FAM13A: variants seen among roughly 807,000 people sequenced by gnomAD.
FAM13A encodes the protein family with sequence similarity 13 member A, also known as protein FAM13A.
Under a neutral mutation model 129.6 loss-of-function variants are expected in FAM13A, and 76 were observed. The ratio of observed to expected loss-of-function variants is 0.59; its 90% CI spans 0.49 to 0.71. FAM13A has a LOEUF of 0.71. FAM13A is among the 30% of genes least tolerant of loss of function. The pLI, the probability that FAM13A is intolerant of heterozygous loss-of-function variation, is 0.00. For synonymous variants in FAM13A, 443 were observed against 449.9 expected (o/e 0.98, Z 0.20); for missense variants, 1,108 against 1,249.3 (o/e 0.89, Z 1.70).
chr4:88,910,160 A>T (rs1362780523), intron 5 of FAM13A, among the ~76,000 whole-genome samples: 1 of 152,158 alleles, frequency 6.6e-6, no homozygotes, highest in Admixed American at 6.5e-5. Flanking sequence ...CGAAGTGTCA[A>T]ACTGGACATT....
At chr4:88,991,171 A>G in intron 3 of FAM13A, 21 bp from the exon 4 acceptor site, 1 of 1,590,446 alleles carries the variant, frequency 6.3e-7, no homozygotes, top group Non-Finnish European at 8.6e-7. Context: ...AAAGAATAAA[A>G]ATGTTCTAAG....
chr4:88,987,580 C>T (rs796648977), intron 4 of FAM13A, among the ~76,000 whole-genome samples: 10 of 151,998 alleles, frequency 6.6e-5, no homozygotes, highest in Admixed American at 5.9e-4. Context: ...TGAGGCTGGG[C>T]GCGGTGGCCC....
At chr4:88,962,152 T>TA (rs59620102) in intron 4 of FAM13A, among the ~76,000 whole-genome samples, 217 of 140,926 alleles carry the variant, frequency 1.5e-3, no homozygotes, top group African/African-American at 3.9e-3. Context: ...AAAAAATAAG[T>TA]AAAAAAAAAA....
chr4:88,873,488 T>C (rs1741793809), intron 6 of FAM13A, among the ~76,000 whole-genome samples: 1 of 152,154 alleles, frequency 6.6e-6, no homozygotes, highest in African/African-American at 2.4e-5. Context: ...AAATACAAAC[T>C]ACCATCAGAG....
chr4:88,948,305 G>T (rs183755120), intron 4 of FAM13A, among the ~76,000 whole-genome samples: 1 of 152,262 alleles, frequency 6.6e-6, no homozygotes, highest in East Asian at 1.9e-4. Context: ...TTGTAAAATA[G>T]AACTGTTGAT....
At chr4:89,009,844 G>GA (rs1380015852) in intron 3 of FAM13A, among the ~76,000 whole-genome samples, 1 of 152,132 alleles carries the variant, frequency 6.6e-6, no homozygotes, top group African/African-American at 2.4e-5. Flanking sequence ...GTCTTGCAAG[G>GA]AAGAGTATTT....
At chr4:88,793,737 T>C (rs138113894) in intron 8 of FAM13A, among the ~76,000 whole-genome samples, 62 of 152,080 alleles carry the variant, frequency 4.1e-4, no homozygotes, top group African/African-American at 1.3e-3. Context: ...CTATCTCAGG[T>C]TCAGGCTTAC....
chr4:88,740,935 CA>C (rs1207916574), intron 19 of FAM13A, among the ~76,000 whole-genome samples: 2 of 152,092 alleles, frequency 1.3e-5, no homozygotes, highest in Non-Finnish European at 2.9e-5. Context: ...AGAAGGGACC[CA>C]AATTATTTTA....
intron 6 of FAM13A, among the ~76,000 whole-genome samples, chr4:88,865,029 T>C (rs1423035961): frequency 3.9e-5 from 6 of 152,304 alleles, no homozygotes; most frequent in South Asian, 4.1e-4. Flanking sequence ...AAAAAGAAAG[T>C]ATCTGCGAAA....
intron 3 of FAM13A, among the ~76,000 whole-genome samples, chr4:88,991,556 T>C (rs760994430): frequency 3.3e-5 from 5 of 152,198 alleles, no homozygotes; most frequent in Non-Finnish European, 7.3e-5. Flanking sequence ...AATGTTTTAA[T>C]CCCCAAATTA....
intron 7 of FAM13A, among the ~76,000 whole-genome samples, chr4:88,845,385 A>G (rs750629687): frequency 4.9e-4 from 75 of 152,090 alleles, no homozygotes; most frequent in Admixed American, 1.2e-3. Context: ...GGCCTGAGAT[A>G]CTGATTTCTT....
intron 5 of FAM13A, among the ~76,000 whole-genome samples, chr4:88,920,180 A>G (rs1008906299): frequency 6.6e-6 from 1 of 152,198 alleles, no homozygotes; most frequent in African/African-American, 2.4e-5. Flanking sequence ...CCTGTCTGAC[A>G]GCTTTGAAGA....
intron 4 of FAM13A, among the ~76,000 whole-genome samples, chr4:88,950,695 C>T (rs976815376): frequency 6.6e-6 from 1 of 152,258 alleles, no homozygotes; most frequent in South Asian, 2.1e-4. Context: ...GAAATAGTCA[C>T]AGAAAGGAGC....
At chr4:89,028,297 G>GT (rs1579840629) in intron 2 of FAM13A, among the ~76,000 whole-genome samples, 1 of 151,958 alleles carries the variant, frequency 6.6e-6, no homozygotes, top group East Asian at 1.9e-4. Flanking sequence ...TTGGTCACAG[G>GT]TAAGAGTGAA....
At chr4:88,893,736 G>A (rs1463312556) in intron 6 of FAM13A, among the ~76,000 whole-genome samples, 2 of 150,770 alleles carry the variant, frequency 1.3e-5, no homozygotes, top group African/African-American at 2.4e-5. Flanking sequence ...GGTGAGGCAG[G>A]AGAATGGCGT....
intron 7 of FAM13A, among the ~76,000 whole-genome samples, chr4:88,806,549 G>A (rs1432619780): frequency 4.6e-5 from 7 of 152,136 alleles, no homozygotes; most frequent in Non-Finnish European, 8.8e-5. Context: ...GAAGGAATAT[G>A]GAACATAAAA....
intron 1 of FAM13A, among the ~76,000 whole-genome samples, chr4:89,048,281 G>A (rs894641175): frequency 9.9e-5 from 15 of 152,180 alleles, no homozygotes; most frequent in South Asian, 4.2e-4. Context: ...ATCATAAACA[G>A]AATATTATTT....
chr4:88,739,551 G>T (rs972936022), intron 19 of FAM13A, among the ~76,000 whole-genome samples: 6 of 150,722 alleles, frequency 4.0e-5, no homozygotes, highest in Non-Finnish European at 5.9e-5. Flanking sequence ...GAGGTGGGCA[G>T]ATCACCTGAG....
At chr4:88,922,259 C>G (rs1212245498) in intron 5 of FAM13A, among the ~76,000 whole-genome samples, 1 of 151,902 alleles carries the variant, frequency 6.6e-6, no homozygotes, top group East Asian at 1.9e-4. Flanking sequence ...TTTTTTTCAG[C>G]ACCACACCAC....
Sources: gnomAD v4.1 joint callset for allele counts (sites outside exome capture counted in the v4.1 genomes callset) on GRCh38, gnomAD v4.1.1 for gene constraint, MANE v1.5 for transcripts, NCBI Gene and HGNC (gene_info 2026-07-23, HGNC 2026-07-21) for gene names.